ITPKB: variants seen among roughly 807,000 people sequenced by gnomAD.
ITPKB encodes IP3 3-kinase B.
A neutral mutation model predicts 69.4 loss-of-function variants in ITPKB; 13 were observed. The ratio of observed to expected loss-of-function variants is 0.19; its 90% CI spans 0.12 to 0.30. The LOEUF (loss-of-function observed/expected upper bound fraction) is 0.30, where lower values mean the gene tolerates loss of function less well. Among genes scored for constraint, ITPKB ranks in the 10% least tolerant of loss-of-function variants. The pLI is 1.00. For missense variants in ITPKB, 1,240 were observed against 1,250.5 expected, an observed-to-expected ratio of 0.99 and a Z score of 0.13; for synonymous variants, 584 against 513.7, an observed-to-expected ratio of 1.14 and a Z score of -1.85.
intron 2 of ITPKB, among the ~76,000 whole-genome samples, chr1:226,703,380 C>A (rs1419294184): frequency 6.6e-6 from 1 of 152,234 alleles, no homozygotes; most frequent in Non-Finnish European, 1.5e-5. Flanking sequence ...CGGTTCCCAC[C>A]GCCCGACGCT....
intron 2 of ITPKB, among the ~76,000 whole-genome samples, chr1:226,695,967 G>A (rs1320922316): frequency 1.3e-5 from 2 of 152,218 alleles, no homozygotes; most frequent in Non-Finnish European, 2.9e-5. Context: ...AGGCAGAGCA[G>A]AGGGAAAAGA....
intron 2 of ITPKB, among the ~76,000 whole-genome samples, chr1:226,690,247 T>C (rs1315265344): frequency 6.6e-6 from 1 of 152,248 alleles, no homozygotes; most frequent in Non-Finnish European, 1.5e-5. Flanking sequence ...GTATAAGCGT[T>C]TCTTTAAGGA....
intron 2 of ITPKB, among the ~76,000 whole-genome samples, chr1:226,678,584 C>T (rs1438009158): frequency 6.6e-6 from 1 of 152,170 alleles, no homozygotes; most frequent in African/African-American, 2.4e-5. Flanking sequence ...GTTTCCTCAC[C>T]TGTGAAATGA....
rs1157026421 is a variant in ITPKB, at chr1:226,637,532, C to T, written c.2625+147G>A. ...AGGAAGCATTGAGACGCAGCTCCCC[C>T]GTGCAGCGAGGGTCTGGTCCCTGAT... On this transcript the variant is annotated intron_variant, in intron 7 of 7. Transcript: ENST00000429204. The surrounding 1 kb of genome is among the most constrained non-coding windows in gnomAD (Gnocchi z 4.3). The T allele has an allele frequency of 1.5e-5, 10 of 654,920 alleles. 1 individual carries two copies. Among genetic ancestry groups the T allele is most frequent in the African/African-American group, 5.4e-5 (3 of 55,554 alleles). 40.6% of individuals were successfully genotyped at this position (654,920 alleles called of 1,614,324 possible). A position where few individuals can be genotyped will look rare whatever the true frequency, so the allele number is the denominator to read the frequency against.
rs1668773063 is a variant in ITPKB at position 226,633,877 on chromosome 1, AC to A, written c.*793del. Reference sequence around the variant, plus strand: ...ATAGATCCCATCTTCCCCTGGTAGCACCCTTGGAGCTCAGCATGGCAGAGTG... The same window carrying A: ...ATAGATCCCATCTTCCCCTGGTAGCACCTTGGAGCTCAGCATGGCAGAGTG... On this transcript the variant is annotated 3_prime_UTR_variant, in exon 8 of 8. Coordinates refer to ENST00000429204, the MANE Select transcript of ITPKB (RefSeq NM_002221.4). 6.6e-6 allele frequency: 1 copy of A among 152,336 alleles called. No homozygotes were observed. Among genetic ancestry groups the A allele is most frequent in the Admixed American group, 6.5e-5 (1 of 15,304 alleles). The allele number at this position is 152,336 out of a possible 1,614,324, so 9.4% of individuals were successfully genotyped here.
Position 226,736,367 on chromosome 1 carries a change from G to T in ITPKB, c.1092C>A (p.Arg364=). The T allele has an allele frequency of 6.2e-7, 1 of 1,612,336 alleles. No homozygotes were observed. The highest frequency in any genetic ancestry group is 8.5e-7 in the Non-Finnish European group (1 of 1,179,804). The part of the protein sequence containing the change: ...TSPAPERGGP[R]DGEPPGKMGK... The stretch of plus-strand genomic sequence containing the variant: ...CCATCTTCCCAGGGGGTTCTCCATC[G>T]CGGGGCCCGCCCCTTTCTGGGGCTG... Residue 364 remains arginine (R), a synonymous_variant, in exon 2 of 8, where the codon CGC becomes CGA. Transcript: ENST00000429204.
chr1:226,738,485 T>C lies in ITPKB; in HGVS notation c.-206+556A>G, dbSNP rs1288611282. Reference sequence around the variant, plus strand: ...CTGTGAGTGTGTGTGTATACACGCGTGTGTGTATACGCCGCACGCGCGCGG... The same window carrying C: ...CTGTGAGTGTGTGTGTATACACGCGCGTGTGTATACGCCGCACGCGCGCGG... On this transcript the variant is annotated intron_variant, in intron 1 of 7. Transcript: ENST00000429204. This position sits in a 1 kb window ranked among gnomAD's most constrained non-coding sequence, Gnocchi z 4.2. 6.6e-6 allele frequency among the ~76,000 whole-genome samples: 1 copy of C among 151,980 alleles called. No homozygotes were observed. Among genetic ancestry groups the C allele is most frequent in the East Asian group, 2.0e-4 (1 of 5,114 alleles).
chr1:226,671,107 G>A (rs1440711222), intron 2 of ITPKB, among the ~76,000 whole-genome samples: 1 of 152,134 alleles, frequency 6.6e-6, no homozygotes, highest in African/African-American at 2.4e-5. Context: ...TAGGTTCTGT[G>A]AGCTCAGGAC....
At chr1:226,707,151 TA>T (rs1234388491) in intron 2 of ITPKB, 2 of 754,464 alleles carry the variant, frequency 2.7e-6, no homozygotes, top group African/African-American at 3.8e-5. Context: ...TAATTCAGAA[TA>T]AAAACATTAT....
chr1:226,718,307 A>G (rs1657145425), intron 2 of ITPKB, among the ~76,000 whole-genome samples: 1 of 148,852 alleles, frequency 6.7e-6, no homozygotes, highest in African/African-American at 2.5e-5. Flanking sequence ...AAAAAAAAAA[A>G]GAGAAAAGCA....
intron 5 of ITPKB, among the ~76,000 whole-genome samples, chr1:226,640,839 G>A (rs980447259): frequency 6.6e-6 from 1 of 152,176 alleles, no homozygotes; most frequent in Non-Finnish European, 1.5e-5. Flanking sequence ...CCGGGGGAAG[G>A]TAAAAACTTC....
At chr1:226,663,767 G>A (rs1233822921) in intron 2 of ITPKB, among the ~76,000 whole-genome samples, 1 of 152,146 alleles carries the variant, frequency 6.6e-6, no homozygotes, top group Non-Finnish European at 1.5e-5. Context: ...GGTGACCAAA[G>A]AAGTGATCCA....
At chr1:226,645,994 C>CTGGCTGGCT (rs1360493479) in intron 4 of ITPKB, among the ~76,000 whole-genome samples, 1 of 152,218 alleles carries the variant, frequency 6.6e-6, no homozygotes, top group Non-Finnish European at 1.5e-5. Context: ...GAAAGAAATG[C>CTGGCTGGCT]TGGCTGGCTT....
At chr1:226,720,061 G>A (rs1438519499) in intron 2 of ITPKB, among the ~76,000 whole-genome samples, 1 of 152,226 alleles carries the variant, frequency 6.6e-6, no homozygotes, top group African/African-American at 2.4e-5. Flanking sequence ...GCAGCTCCAG[G>A]AGCTCACTTT....
Position 226,641,733 on chromosome 1 carries a change from C to A in ITPKB, c.2451+188G>T, listed in dbSNP as rs968607846. On this transcript the variant is annotated intron_variant, in intron 5 of 7. Coordinates refer to ENST00000429204, the MANE Select transcript of ITPKB (RefSeq NM_002221.4). This position sits in a 1 kb window ranked among gnomAD's most constrained non-coding sequence, Gnocchi z 4.6. ...AAGCCACTCTGCTCTGAGGCCTGAG[C>A]CCCCTACACAGCCATCCCGCCTGAG... Among the ~76,000 whole-genome samples, 8 of 152,268 alleles carry A rather than the reference C, an allele frequency of 5.3e-5. No individual in the cohort carries two copies. The highest frequency in any genetic ancestry group is 2.9e-5 in the Non-Finnish European group (2 of 68,044).
At chr1:226,658,184 AG>A (rs1472210992) in intron 2 of ITPKB, among the ~76,000 whole-genome samples, 1 of 152,214 alleles carries the variant, frequency 6.6e-6, no homozygotes, top group East Asian at 1.9e-4. Flanking sequence ...AAAAGCAGTT[AG>A]GGTTTCCCTA....
chr1:226,735,407 C>G, intron 2 of ITPKB, 120 bp downstream of exon 2: 1 of 1,163,558 alleles, frequency 8.6e-7, no homozygotes, highest in Non-Finnish European at 1.2e-6. Flanking sequence ...TGTGACTGTC[C>G]CAGGGCCCTG....
At position 226,642,026 on chromosome 1, in the gene ITPKB, G is replaced by A. The variant is rs201233756; in HGVS notation, c.2346C>T (p.Thr782=). The change falls in exon 5 of 8, where the codon ACC becomes ACT. Residue 782 remains threonine (T), a synonymous_variant. Coordinates refer to ENST00000429204, the MANE Select transcript of ITPKB (RefSeq NM_002221.4). This position sits in a 1 kb window ranked among gnomAD's most constrained non-coding sequence, Gnocchi z 6.4. ...CAGCCCGCTGTGCTTTTTCCTCCTC[G>A]GTGGGGGCCTCGGGGTCCACCTCGA... ...KMIEVDPEAP[T]EEEKAQRAVT... is the part of the protein sequence containing the mutation. 32 of 1,614,100 alleles carry A rather than the reference G, an allele frequency of 2.0e-5. No individual in the cohort carries two copies. The highest frequency in any genetic ancestry group is 3.3e-5 in the Admixed American group (2 of 60,012).
intron 6 of ITPKB, among the ~76,000 whole-genome samples, chr1:226,639,072 T>TC (rs1553316181): frequency 0.062 from 8,279 of 134,378 alleles, 373 homozygotes; most frequent in Non-Finnish European, 0.1. Context: ...TTTTTTTTTT[T>TC]CCCAGACAGA....
Sources: allele counts gnomAD v4.1 joint callset (sites outside exome capture counted in the v4.1 genomes callset), GRCh38; gene constraint gnomAD v4.1.1; non-coding constraint Gnocchi (gnomAD v3.1); transcripts MANE v1.5; gene names NCBI Gene and HGNC (gene_info 2026-07-23, HGNC 2026-07-21).